NEGR1: variants seen among roughly 807,000 people sequenced by gnomAD.
NEGR1 encodes neuronal growth regulator 1, also known as IgLON family member 4.
Under a neutral mutation model 40.9 loss-of-function variants are expected in NEGR1, and 10 were observed. The ratio of observed to expected loss-of-function variants is 0.24; its 90% confidence interval spans 0.15 to 0.42. The LOEUF is 0.42. Among genes scored for constraint, NEGR1 ranks in the 10% least tolerant of loss-of-function variants. The pLI is 1.00. For missense variants in NEGR1, 352 were observed against 438.9 expected, an observed-to-expected ratio of 0.80 and a Z score of 1.77; for synonymous variants, 185 against 166.8, an observed-to-expected ratio of 1.11 and a Z score of -0.84.
At chr1:71,697,349 T>C (rs1377353748) in intron 4 of NEGR1, among the ~76,000 whole-genome samples, 1 of 151,808 alleles carries the variant, frequency 6.6e-6, no homozygotes, top group African/African-American at 2.4e-5. Flanking sequence ...TAAAAACGAT[T>C]GTAGTCATTG....
chr1:72,060,873 G>T (rs1647161398), intron 1 of NEGR1, among the ~76,000 whole-genome samples: 1 of 151,478 alleles, frequency 6.6e-6, no homozygotes, highest in Admixed American at 6.6e-5. Context: ...TGGATAGGTA[G>T]TTTTTTTAGA....
intron 2 of NEGR1, among the ~76,000 whole-genome samples, chr1:71,805,764 C>A (rs912970058): frequency 6.6e-6 from 1 of 152,098 alleles, no homozygotes; most frequent in Non-Finnish European, 1.5e-5. Context: ...TGCATGTGCA[C>A]CTGGTTTATT....
intron 6 of NEGR1, among the ~76,000 whole-genome samples, chr1:71,428,791 T>C (rs571741353): frequency 7.2e-5 from 11 of 151,992 alleles, no homozygotes; most frequent in Admixed American, 4.6e-4. Flanking sequence ...TAACCCAGTC[T>C]ATGAAGTTTT....
At chr1:71,842,983 T>C (rs948356754) in intron 2 of NEGR1, among the ~76,000 whole-genome samples, 13 of 152,166 alleles carry the variant, frequency 8.5e-5, no homozygotes, top group African/African-American at 3.1e-4. Context: ...GCACTATTTT[T>C]TAAAAAACTT....
Position 71,886,065 on chromosome 1 carries a change from A to G in NEGR1, c.409+49014T>C, listed in dbSNP as rs1240968090. On this transcript the variant is annotated intron_variant, in intron 2 of 6. Coordinates refer to ENST00000357731, the MANE Select transcript of NEGR1 (RefSeq NM_173808.3). The stretch of plus-strand genomic sequence containing the variant: ...ACTTATGCACTTCTGGGAAAAGACT[A>G]TCAACCATTAATAGTCCTTATGACA... Among the ~76,000 whole-genome samples the G allele has an allele frequency of 2.0e-5, 3 of 152,208 alleles. No homozygotes were observed. The East Asian group carries it at 5.8e-4, about 29-fold the overall frequency.
At chr1:72,213,649 C>A (rs1397797661) in intron 1 of NEGR1, among the ~76,000 whole-genome samples, 1 of 151,518 alleles carries the variant, frequency 6.6e-6, no homozygotes, top group African/African-American at 2.4e-5. Flanking sequence ...CAAAATATTG[C>A]TAGTTACCCT....
At chr1:72,004,340 T>C (rs566610728) in intron 1 of NEGR1, among the ~76,000 whole-genome samples, 2 of 152,314 alleles carry the variant, frequency 1.3e-5, no homozygotes, top group East Asian at 3.9e-4. Flanking sequence ...AGAGTTTCCC[T>C]GTCTTGTCCA....
rs775613086 is a variant in NEGR1 at position 71,592,844 on chromosome 1, T to C, written c.913A>G (p.Thr305Ala). The change falls in exon 6 of 7, where the codon ACA (threonine) becomes GCA (alanine). Residue 305 changes from threonine (T) to alanine (A), a missense_variant. Around this residue, in one of 5 missense-constraint regions of NEGR1, gnomAD observed 184 missense variants for 208.7 expected, o/e 0.88. Transcript: ENST00000357731. ...YTCVAANKLGTTNASLPLNPP... is the reference protein window; with the variant it reads ...YTCVAANKLGATNASLPLNPP... Reference sequence around the variant, plus strand: ...TTAAGAGGCAGGCTCGCATTGGTTGTGCCTAGCTTGTTGGCAGCCACACAG... The same window carrying C: ...TTAAGAGGCAGGCTCGCATTGGTTGCGCCTAGCTTGTTGGCAGCCACACAG... 5.0e-6 allele frequency: 8 copies of C among 1,613,380 alleles called. No individual in the cohort carries two copies. In the Admixed American group the frequency reaches 5.0e-5, roughly 10 times the overall value.
At chr1:71,662,508 AT>A (rs554669996) in intron 4 of NEGR1, among the ~76,000 whole-genome samples, 57 of 152,282 alleles carry the variant, frequency 3.7e-4, no homozygotes, top group African/African-American at 1.3e-3. Context: ...TCTACCATTT[AT>A]TAATAAGATA....
At chr1:71,574,371 C>T (rs1288733200) in intron 6 of NEGR1, among the ~76,000 whole-genome samples, 2 of 152,156 alleles carry the variant, frequency 1.3e-5, no homozygotes, top group African/African-American at 2.4e-5. Flanking sequence ...CTAACATTAG[C>T]TTGTAAGTAG....
At chr1:72,071,180 A>C (rs887755555) in intron 1 of NEGR1, among the ~76,000 whole-genome samples, 14 of 152,104 alleles carry the variant, frequency 9.2e-5, no homozygotes, top group African/African-American at 3.1e-4. Context: ...GTGTTTATTG[A>C]AATGAGAAAA....
intron 1 of NEGR1, among the ~76,000 whole-genome samples, chr1:71,958,897 G>C (rs1646139911): frequency 6.7e-6 from 1 of 149,648 alleles, no homozygotes; most frequent in Non-Finnish European, 1.5e-5. Context: ...GGAGGTTGCA[G>C]TAAGCCGAGA....
intron 4 of NEGR1, among the ~76,000 whole-genome samples, chr1:71,672,984 C>G (rs539426572): frequency 1.3e-5 from 2 of 152,058 alleles, no homozygotes; most frequent in South Asian, 4.1e-4. Context: ...GCCTGTAATC[C>G]CAGCACTTTG....
intron 2 of NEGR1, among the ~76,000 whole-genome samples, chr1:71,914,758 T>A (rs1379815649): frequency 6.6e-6 from 1 of 152,186 alleles, no homozygotes; most frequent in Non-Finnish European, 1.5e-5. Flanking sequence ...TGTAGTAATC[T>A]CTCTCACTGT....
chr1:71,659,277 G>A (rs918425825), intron 4 of NEGR1, among the ~76,000 whole-genome samples: 1 of 152,126 alleles, frequency 6.6e-6, no homozygotes, highest in East Asian at 1.9e-4. Flanking sequence ...AAACAGGCTT[G>A]AAACTCAGAC....
At chr1:72,111,103 C>T (rs1467761272) in intron 1 of NEGR1, among the ~76,000 whole-genome samples, 3 of 151,058 alleles carry the variant, frequency 2.0e-5, no homozygotes, top group Non-Finnish European at 4.4e-5. Flanking sequence ...CACACACACA[C>T]ACACACACGT....
chr1:72,229,668 G>A (rs1294755162), intron 1 of NEGR1, among the ~76,000 whole-genome samples: 1 of 150,848 alleles, frequency 6.6e-6, no homozygotes, highest in Non-Finnish European at 1.5e-5. Flanking sequence ...TCTTTTTTTG[G>A]TAAGTTGATT....
At chr1:71,674,592 A>G (rs1446480750) in intron 4 of NEGR1, among the ~76,000 whole-genome samples, 5 of 146,026 alleles carry the variant, frequency 3.4e-5, no homozygotes, top group Admixed American at 6.8e-5. Context: ...GAGGGCACAC[A>G]CACACACACA....
At chr1:72,265,590 T>C (rs532395850) in intron 1 of NEGR1, among the ~76,000 whole-genome samples, 48 of 150,940 alleles carry the variant, frequency 3.2e-4, no homozygotes, top group African/African-American at 1.1e-3. Flanking sequence ...AATGGTAATA[T>C]ACCCTGTAGG....
Sources: allele counts gnomAD v4.1 joint callset (sites outside exome capture counted in the v4.1 genomes callset), GRCh38; gene constraint gnomAD v4.1.1; regional missense constraint gnomAD v4.1.1; transcripts MANE v1.5; gene names NCBI Gene and HGNC (gene_info 2026-07-23, HGNC 2026-07-21).